The following LRP1B variants were observed in gnomAD, a reference collection of about 807,000 sequenced individuals.
LRP1B encodes LDL receptor related protein 1B.
Under a neutral mutation model 556.6 loss-of-function variants are expected in LRP1B, and 217 were observed. The ratio of observed to expected loss-of-function variants is 0.39; its 90% CI spans 0.35 to 0.44. LRP1B has a LOEUF of 0.44. Ranked by LOEUF, LRP1B falls within the 20% of genes least tolerant of loss-of-function variation. The probability of loss-of-function intolerance (pLI) is 1.00; values close to 1 mark genes in which losing one functional copy is unlikely to be tolerated. For missense variants in LRP1B, 5,053 were observed against 5,620.8 expected (o/e 0.90, Z 3.23); for synonymous variants, 2,047 against 1,865.8 (o/e 1.10, Z -2.50).
At chr2:141,534,304 A>G (rs1684991515) in intron 2 of LRP1B, among the ~76,000 whole-genome samples, 1 of 152,192 alleles carries the variant, frequency 6.6e-6, no homozygotes, top group African/African-American at 2.4e-5. Context: ...TACATTGAAA[A>G]TTATTTTAAA....
At chr2:141,634,666 T>A (rs1689038492) in intron 2 of LRP1B, among the ~76,000 whole-genome samples, 1 of 152,012 alleles carries the variant, frequency 6.6e-6, no homozygotes, top group Non-Finnish European at 1.5e-5. Flanking sequence ...AAAAATGTAG[T>A]TATCATATAA....
chr2:140,801,848 A>G (rs769282962), intron 32 of LRP1B, among the ~76,000 whole-genome samples: 3 of 151,848 alleles, frequency 2.0e-5, no homozygotes, highest in Admixed American at 2.0e-4. Context: ...GATAGAGAGA[A>G]TGAGAGGAAG....
chr2:141,130,024 C>T (rs1701310298), intron 7 of LRP1B, among the ~76,000 whole-genome samples: 2 of 151,594 alleles, frequency 1.3e-5, no homozygotes, highest in Admixed American at 1.3e-4. Context: ...AGAATTTAAC[C>T]ATACAAAAAA....
At chr2:140,859,617 T>G (rs114477439) in intron 27 of LRP1B, among the ~76,000 whole-genome samples, 4,708 of 152,252 alleles carry the variant, frequency 0.031, 229 homozygotes, top group African/African-American at 0.11. Flanking sequence ...TAATTTATTT[T>G]ATTATATTAT....
At chr2:141,043,037 C>CAAAAAAAA (rs57176510) in intron 11 of LRP1B, among the ~76,000 whole-genome samples, 2 of 122,068 alleles carry the variant, frequency 1.6e-5, no homozygotes, top group African/African-American at 3.1e-5. Flanking sequence ...ACAAAAAATA[C>CAAAAAAAA]AAAAAAAAAA....
At chr2:140,712,293 G>A (rs182495982) in intron 37 of LRP1B, among the ~76,000 whole-genome samples, 9 of 152,204 alleles carry the variant, frequency 5.9e-5, no homozygotes, top group Admixed American at 5.9e-4. Context: ...CTGAGGCCAA[G>A]ATTATGTTCA....
chr2:140,770,003 T>A (rs72927824), intron 34 of LRP1B, among the ~76,000 whole-genome samples: 446 of 152,010 alleles, frequency 2.9e-3, no homozygotes, highest in Admixed American at 5.6e-3. Context: ...TGCTTATGCA[T>A]TTTGCCAATA....
chr2:141,631,043 A>G (rs1291056350), intron 2 of LRP1B, among the ~76,000 whole-genome samples: 1 of 152,294 alleles, frequency 6.6e-6, no homozygotes, highest in Middle Eastern at 3.4e-3. Flanking sequence ...TAATTTACAA[A>G]GGAAAGAGGT....
chr2:140,589,935 C>G (rs1682148522), intron 43 of LRP1B, among the ~76,000 whole-genome samples: 1 of 152,034 alleles, frequency 6.6e-6, no homozygotes, highest in Non-Finnish European at 1.5e-5. Flanking sequence ...GTATCTTGAC[C>G]ACATAAGTGT....
chr2:140,716,609 A>T lies in LRP1B; in HGVS notation c.5893+73T>A. On this transcript the variant is annotated intron_variant, in intron 36 of 90. Transcript: ENST00000389484. ...AAAGCACTGTTATGAGTTAGAAAAG[A>T]TTTTTTATGAAGCAGTTTGAGCCCC... The T allele has an allele frequency of 2.8e-6, 4 of 1,447,778 alleles. No homozygotes were observed. In the East Asian group the frequency reaches 9.4e-5, roughly 34 times the overall value. The allele number at this position is 1,447,778 out of a possible 1,614,324, so 89.7% of individuals were successfully genotyped here. A position where few individuals can be genotyped will look rare whatever the true frequency, so the allele number is the denominator to read the frequency against.
Position 142,130,733 on chromosome 2 carries a change from G to A in LRP1B, c.-4C>T. ...AGGCGAGGAGAAACTCGGACATTGT[G>A]GTCGCCCGGTAAGGAAGCCTGCGCT... is the stretch of plus-strand genomic sequence containing the variant. On this transcript the variant is annotated 5_prime_UTR_variant, in exon 1 of 91. Coordinates refer to ENST00000389484, the MANE Select transcript of LRP1B (RefSeq NM_018557.3). The A allele has an allele frequency of 6.2e-7, 1 of 1,609,290 alleles. No homozygotes were observed. Among genetic ancestry groups the A allele is most frequent in the East Asian group, 2.2e-5 (1 of 44,510 alleles).
chr2:141,068,051 T>C (rs535368552), intron 7 of LRP1B, among the ~76,000 whole-genome samples: 4 of 152,122 alleles, frequency 2.6e-5, no homozygotes, highest in African/African-American at 9.6e-5. Context: ...CTCTATTTAT[T>C]TGAGCTAACT....
intron 3 of LRP1B, among the ~76,000 whole-genome samples, chr2:141,410,234 C>T (rs1004046691): frequency 1.3e-5 from 2 of 151,964 alleles, no homozygotes; most frequent in Non-Finnish European, 2.9e-5. Flanking sequence ...TTAATACCAT[C>T]CCCATTGTAG....
chr2:142,083,249 T>C (rs1344321838), intron 1 of LRP1B, among the ~76,000 whole-genome samples: 2 of 152,222 alleles, frequency 1.3e-5, no homozygotes, highest in Non-Finnish European at 2.9e-5. Flanking sequence ...TTCATCTCAC[T>C]ACTTCCAACC....
At chr2:141,077,882 A>G (rs557794997) in intron 7 of LRP1B, among the ~76,000 whole-genome samples, 35 of 152,070 alleles carry the variant, frequency 2.3e-4, no homozygotes, top group African/African-American at 8.0e-4. Context: ...TCTTTTGGAG[A>G]CCACTTCTCT....
intron 65 of LRP1B, 35 bp downstream of exon 65, chr2:140,444,295 G>C: frequency 6.2e-7 from 1 of 1,611,688 alleles, no homozygotes; most frequent in Non-Finnish European, 8.5e-7. Context: ...AGGAGTCAAA[G>C]TTAAGACAAG....
chr2:141,276,626 C>G (rs1685298895), intron 3 of LRP1B, among the ~76,000 whole-genome samples: 1 of 146,338 alleles, frequency 6.8e-6, no homozygotes, highest in South Asian at 2.2e-4. Flanking sequence ...AGGATATAAT[C>G]TCATTCTATT....
intron 66 of LRP1B, among the ~76,000 whole-genome samples, chr2:140,432,821 A>G (rs1322802370): frequency 6.6e-6 from 1 of 152,210 alleles, no homozygotes. Context: ...TGATCCTTAT[A>G]TAGCAAAACT....
At chr2:141,451,788 T>A (rs1399096071) in intron 3 of LRP1B, among the ~76,000 whole-genome samples, 1 of 152,238 alleles carries the variant, frequency 6.6e-6, no homozygotes, top group East Asian at 1.9e-4. Context: ...ATAGAAGTTA[T>A]TCAGCTTAAA....
Sources: allele counts gnomAD v4.1 joint callset (sites outside exome capture counted in the v4.1 genomes callset), GRCh38; gene constraint gnomAD v4.1.1; transcripts MANE v1.5; gene names NCBI Gene and HGNC (gene_info 2026-07-23, HGNC 2026-07-21).